RNF31: variants seen among roughly 807,000 people sequenced by gnomAD.
RNF31 encodes the protein ring finger protein 31.
RNF31 carries 38 observed loss-of-function variants against 133.6 expected under a neutral mutation model. That is an observed-to-expected ratio of 0.28 (90% CI 0.22 to 0.37). RNF31 has a LOEUF of 0.37. RNF31 is among the 10% of genes least tolerant of loss of function. The pLI is 1.00. For synonymous variants in RNF31, 582 were observed against 552.3 expected (o/e 1.05, Z -0.75); for missense variants, 1,118 against 1,394.1 (o/e 0.80, Z 3.15).
chr14:24,150,942 G>T, intron 8 of RNF31, 54 bp downstream of exon 8: 1 of 1,526,114 alleles, frequency 6.6e-7, no homozygotes. Flanking sequence ...GAAAGGAGAT[G>T]CTGCAGGTGG....
At position 24,155,389 on chromosome 14, in the gene RNF31, C is replaced by T. The variant is rs375189074; in HGVS notation, c.2305-25C>T. 16 of 1,613,942 alleles carry T rather than the reference C, an allele frequency of 9.9e-6. No homozygotes were observed. The highest frequency in any genetic ancestry group is 6.7e-5 in the Admixed American group (4 of 60,004). On this transcript the variant is annotated intron_variant, in intron 12 of 20. Transcript: ENST00000324103. The surrounding 1 kb of genome is among the most constrained non-coding windows in gnomAD (Gnocchi z 4.9). ...AGCTTTGAACAGGGACCCTCCCACC[C>T]ACCACCTCTGCATCCTGTCCCCAGC...
At chr14:24,158,069 G>A in intron 17 of RNF31, 58 bp downstream of exon 17, 1 of 1,611,494 alleles carries the variant, frequency 6.2e-7, no homozygotes, top group Non-Finnish European at 8.5e-7. Context: ...AATGGAAAAG[G>A]CTCCGTGCTA....
chr14:24,156,026 C>G (rs1054677596), intron 14 of RNF31, among the ~76,000 whole-genome samples: 25 of 152,298 alleles, frequency 1.6e-4, no homozygotes, highest in African/African-American at 6.0e-4. Context: ...AGAGGTCAGA[C>G]AAGTCTTCTC....
chr14:24,157,828 G>A (rs766457034), intron 16 of RNF31, 70 bp from the exon 17 acceptor site: 22 of 1,323,918 alleles, frequency 1.7e-5, no homozygotes, highest in South Asian at 2.4e-5. Context: ...CACCCCTCAC[G>A]CAGGGGTTCC....
Position 24,157,379 on chromosome 14 carries a change from A to G in RNF31, c.2583A>G (p.Ala861=). Reference sequence around the variant, plus strand: ...CAGAATACCAGGCCCAGGGCCTAGCAATGTATCTTCAGGAAAACGGCATTG... The same window carrying G: ...CAGAATACCAGGCCCAGGGCCTAGCGATGTATCTTCAGGAAAACGGCATTG... ...NDPEYQAQGL[A]MYLQENGIDC... Residue 861 remains alanine (A), a synonymous_variant, in exon 15 of 21, where the codon GCA becomes GCG. Transcript: ENST00000324103. 1 of 1,611,140 alleles carries G rather than the reference A, an allele frequency of 6.2e-7. No homozygotes were observed. The highest frequency in any genetic ancestry group is 1.3e-5 in the African/African-American group (1 of 74,982).
chr14:24,148,389 G>C lies in RNF31; in HGVS notation c.471G>C (p.Arg157=), dbSNP rs748048191. Residue 157 remains arginine, a synonymous_variant, in exon 3 of 21, where the codon CGG becomes CGC. Coordinates refer to ENST00000324103, the MANE Select transcript of RNF31 (RefSeq NM_017999.5). The part of the protein sequence containing the change: ...ATVTLEVLLL[R]TELSLLLQNT... ...TCACACTGGAAGTACTGCTGCTTCG[G>C]ACAGAGCTCAGCCTGCTATTGCAGG... 4 of 1,614,146 alleles carry C rather than the reference G, an allele frequency of 2.5e-6. No individual in the cohort carries two copies. The South Asian group carries it at 3.3e-5, about 13-fold the overall frequency.
Position 24,155,797 on chromosome 14 carries a change from T to TTTTGACCTCA in RNF31, c.2493+105_2493+106insTTTGACCTCA. On this transcript the variant is annotated intron_variant, in intron 14 of 20. Transcript: ENST00000324103. This position sits in a 1 kb window ranked among gnomAD's most constrained non-coding sequence, Gnocchi z 4.9. The stretch of plus-strand genomic sequence containing the variant: ...TGGAGAGCAAAACAGACATGAGCTC[T>TTTTGACCTCA]GAGGTCAAAAGAGCTTACAGACTAC... The TTTTGACCTCA allele has an allele frequency of 1.1e-6, 1 of 949,298 alleles. No individual in the cohort carries two copies. The highest frequency in any genetic ancestry group is 1.7e-6 in the Non-Finnish European group (1 of 598,818). The allele number at this position is 949,298 out of a possible 1,614,324, so 58.8% of individuals were successfully genotyped here. A position where few individuals can be genotyped will look rare whatever the true frequency, so the allele number is the denominator to read the frequency against.
rs1255455999 is a variant in RNF31 at position 24,160,235 on chromosome 14, C to T, written c.2997-4C>T. On this transcript the variant is annotated splice_region_variant and splice_polypyrimidine_tract_variant and intron_variant, in intron 19 of 20. Transcript: ENST00000324103. The surrounding 1 kb of genome is among the most constrained non-coding windows in gnomAD (Gnocchi z 4.0). ...ACAAATATTCTGCTCCCTTTTCTCCCCAGGGCACACTACAAAGAGTATCTT... is the reference window on the plus strand; with the variant it reads ...ACAAATATTCTGCTCCCTTTTCTCCTCAGGGCACACTACAAAGAGTATCTT... 1.4e-5 allele frequency: 22 copies of T among 1,610,746 alleles called. No homozygotes were observed. Among genetic ancestry groups the T allele is most frequent in the Non-Finnish European group, 1.9e-5 (22 of 1,178,418 alleles).
chr14:24,157,427 G>C (rs746967142), intron 15 of RNF31, 23 bp downstream of exon 15: 2 of 1,605,466 alleles, frequency 1.2e-6, no homozygotes, highest in Admixed American at 1.7e-5. Flanking sequence ...TACTCGGCCT[G>C]TTTGCTCAGA....
At chr14:24,148,611 C>T (rs376994847) in intron 3 of RNF31, 31 bp from the exon 4 acceptor site, 3 of 1,612,842 alleles carry the variant, frequency 1.9e-6, no homozygotes, top group African/African-American at 2.7e-5. Context: ...AGGGGTCTAG[C>T]TGGAAACCGT....
In RNF31 at chr14:24,150,212, G is replaced by A. The variant is rs2038241814; in HGVS notation, c.961G>A (p.Val321Met). Reference sequence around the variant, plus strand: ...AAATGAGCCTTGGGCAGTGCTCTGTGTGGCCTGTGATCGGCCCCGAGGCTG... The same window carrying A: ...AAATGAGCCTTGGGCAGTGCTCTGTATGGCCTGTGATCGGCCCCGAGGCTG... ...MLNEPWAVLC[V>M]ACDRPRGCKG... is the part of the protein sequence containing the mutation. The change falls in exon 7 of 21, where the codon GTG becomes ATG. Residue 321 changes from valine to methionine, a missense_variant. Val to Met is a conservative substitution (Grantham distance 21). Transcript: ENST00000324103. 6.2e-7 allele frequency: 1 copy of A among 1,614,112 alleles called. No homozygotes were observed. Among genetic ancestry groups the A allele is most frequent in the Non-Finnish European group, 8.5e-7 (1 of 1,180,048 alleles).
Position 24,155,161 on chromosome 14 carries a change from A to C in RNF31, c.2135A>C (p.Gln712Pro), listed in dbSNP as rs1478885845. The change falls in exon 12 of 21, where the codon CAG (glutamine) becomes CCG (proline). Residue 712 changes from glutamine (Q) to proline (P), a missense_variant. Around this residue, in one of 3 missense-constraint regions of RNF31, gnomAD observed 201 missense variants for 371.7 expected, o/e 0.54. Coordinates refer to ENST00000324103, the MANE Select transcript of RNF31 (RefSeq NM_017999.5). The surrounding 1 kb of genome is among the most constrained non-coding windows in gnomAD (Gnocchi z 4.9). ...CTCCAACCCCTCACCCTCCAGATGC[A>C]GGCCCTGACTTCCTGTGAGTGCACC... is the stretch of plus-strand genomic sequence containing the variant. ...CGWALPHNRMQALTSCECTIC... is the reference protein window; with the variant it reads ...CGWALPHNRMPALTSCECTIC... The C allele has an allele frequency of 6.2e-7, 1 of 1,613,724 alleles. No individual in the cohort carries two copies.
At chr14:24,154,835 A>C in intron 11 of RNF31, 1 of 366,778 alleles carries the variant, frequency 2.7e-6, no homozygotes. Flanking sequence ...CCCCACTTCT[A>C]GTCACCTGGC....
rs1313615368 is a variant in RNF31 at position 24,151,408 on chromosome 14, G to A, written c.1737+29G>A. ...TCAGCTGTGCTGGATATGGGATAGG[G>A]TCGAGAGTCTGCATCTCTCACACTC... On this transcript the variant is annotated intron_variant, in intron 9 of 20. Transcript: ENST00000324103. This position sits in a 1 kb window ranked among gnomAD's most constrained non-coding sequence, Gnocchi z 5.3. 1.2e-6 allele frequency: 2 copies of A among 1,613,574 alleles called. No homozygotes were observed. The highest frequency in any genetic ancestry group is 1.3e-5 in the African/African-American group (1 of 75,040).
At chr14:24,148,468 C>G in intron 3 of RNF31, 55 bp downstream of exon 3, 1 of 1,612,756 alleles carries the variant, frequency 6.2e-7, no homozygotes, top group African/African-American at 1.3e-5. Flanking sequence ...GGGAGCCCAG[C>G]CTAACTCAAG....
At position 24,160,194 on chromosome 14, in the gene RNF31, A is replaced by G; in HGVS notation, c.2997-45A>G. 6.3e-7 allele frequency: 1 copy of G among 1,580,748 alleles called. No homozygotes were observed. Among genetic ancestry groups the G allele is most frequent in the South Asian group, 1.1e-5 (1 of 88,730 alleles). On this transcript the variant is annotated intron_variant, in intron 19 of 20. Coordinates refer to ENST00000324103, the MANE Select transcript of RNF31 (RefSeq NM_017999.5). This position sits in a 1 kb window ranked among gnomAD's most constrained non-coding sequence, Gnocchi z 4.0. ...CCAGCTATGTTAGACACACTCAGTT[A>G]ATATTAGCCAACACAACAAATATTC...
rs2139088269 is a variant in RNF31, at chr14:24,155,730, C to G, written c.2493+38C>G. 1 of 1,556,024 alleles carries G rather than the reference C, an allele frequency of 6.4e-7. No individual in the cohort carries two copies. Among genetic ancestry groups the G allele is most frequent in the East Asian group, 2.2e-5 (1 of 44,646 alleles). On this transcript the variant is annotated intron_variant, in intron 14 of 20. Transcript: ENST00000324103. This position sits in a 1 kb window ranked among gnomAD's most constrained non-coding sequence, Gnocchi z 4.9. ...CATCCTTTCAGAAATACTTGCTGAG[C>G]TACTGCCAGGTACTGTGTTAGACTC...
Position 24,148,745 on chromosome 14 carries a change from A to C in RNF31, c.555+44A>C, listed in dbSNP as rs1484903508. On this transcript the variant is annotated intron_variant, in intron 4 of 20. Coordinates refer to ENST00000324103, the MANE Select transcript of RNF31 (RefSeq NM_017999.5). ...GGGCTGGTGTACAAAGGAAACAGGA[A>C]TTGTGAGACTCTGTGTCCCTAAACC... 8.7e-6 allele frequency: 14 copies of C among 1,613,358 alleles called. No individual in the cohort carries two copies. The East Asian group carries it at 3.1e-4, about 36-fold the overall frequency.
chr14:24,147,398 TC>T (rs1345734749), upstream of RNF31: 17 of 292,226 alleles, frequency 5.8e-5, no homozygotes, highest in Admixed American at 6.8e-4. Flanking sequence ...GACCTGGCCC[TC>T]CCTCTTGGCC....
Sources: gnomAD v4.1 joint callset for allele counts (sites outside exome capture counted in the v4.1 genomes callset) on GRCh38, gnomAD v4.1.1 for gene constraint, gnomAD v4.1.1 regional missense constraint, Gnocchi (gnomAD v3.1) non-coding constraint, MANE v1.5 for transcripts, NCBI Gene and HGNC (gene_info 2026-07-23, HGNC 2026-07-21) for gene names.